The following NXPH1 variants were observed in gnomAD, a reference collection of about 807,000 sequenced individuals.
The protein encoded by NXPH1 is neurexophilin 1, also known as neurexophilin-1.
In NXPH1, 5 loss-of-function variants were observed where a neutral mutation model predicts 23.7. The observed-to-expected ratio is 0.21, with a 90% CI of 0.11 to 0.44. The LOEUF is 0.44. Ranked by LOEUF, NXPH1 falls within the 20% of genes least tolerant of loss-of-function variation. The pLI is 0.99. For synonymous variants in NXPH1, 144 were observed against 122.2 expected, an observed-to-expected ratio of 1.18 and a Z score of -1.18; for missense variants, 324 against 321.6, an observed-to-expected ratio of 1.01 and a Z score of -0.06.
intron 2 of NXPH1, among the ~76,000 whole-genome samples, chr7:8,729,801 A>G (rs1185518495): frequency 6.6e-6 from 1 of 152,150 alleles, no homozygotes; most frequent in African/African-American, 2.4e-5. Flanking sequence ...TGGTGCTGAA[A>G]TAAATGTATA....
At chr7:8,583,013 G>C (rs982538340) in intron 2 of NXPH1, among the ~76,000 whole-genome samples, 4 of 152,140 alleles carry the variant, frequency 2.6e-5, no homozygotes, top group African/African-American at 7.2e-5. Context: ...AGGGGGCCAA[G>C]GGGGCAGGTG....
chr7:8,731,867 A>T (rs1583251125), intron 2 of NXPH1, among the ~76,000 whole-genome samples: 1 of 152,196 alleles, frequency 6.6e-6, no homozygotes, highest in Non-Finnish European at 1.5e-5. Flanking sequence ...GGTGGGCTCC[A>T]CCCAGTTCGA....
intron 2 of NXPH1, among the ~76,000 whole-genome samples, chr7:8,621,352 CA>C (rs1218959987): frequency 2.6e-5 from 4 of 152,138 alleles, no homozygotes; most frequent in Non-Finnish European, 5.9e-5. Flanking sequence ...AGTGACTCAA[CA>C]AGATGGGTTG....
At chr7:8,475,050 G>T (rs1816945806) in intron 2 of NXPH1, among the ~76,000 whole-genome samples, 1 of 152,112 alleles carries the variant, frequency 6.6e-6, no homozygotes, top group South Asian at 2.1e-4. Context: ...CCTGGTTTAT[G>T]GAGAGGCACT....
At chr7:8,645,174 G>T (rs1820377225) in intron 2 of NXPH1, among the ~76,000 whole-genome samples, 1 of 152,060 alleles carries the variant, frequency 6.6e-6, no homozygotes, top group South Asian at 2.1e-4. Context: ...AATTCTTACG[G>T]TTTATACAAA....
At chr7:8,688,100 C>T (rs910084462) in intron 2 of NXPH1, among the ~76,000 whole-genome samples, 1 of 152,040 alleles carries the variant, frequency 6.6e-6, no homozygotes, top group African/African-American at 2.4e-5. Flanking sequence ...TGACTTGCTT[C>T]TCCATGGCAT....
rs533543008 is a variant in NXPH1 at position 8,483,338 on chromosome 7, C to A, written c.54+47571C>A. Among the ~76,000 whole-genome samples the A allele has an allele frequency of 7.3e-5, 11 of 151,702 alleles. No homozygotes were observed. In the East Asian group the frequency reaches 7.8e-4, roughly 11 times the overall value. Reference sequence around the variant, plus strand: ...CAAAACTAAAATTTTATTTTATTTTCTTTTTTTTAAAAGACAGGGTATTGT... The same window carrying A: ...CAAAACTAAAATTTTATTTTATTTTATTTTTTTTAAAAGACAGGGTATTGT... On this transcript the variant is annotated intron_variant, in intron 2 of 2. Coordinates refer to ENST00000405863, the MANE Select transcript of NXPH1 (RefSeq NM_152745.3).
chr7:8,493,487 A>G (rs142154012), intron 2 of NXPH1, among the ~76,000 whole-genome samples: 30 of 152,182 alleles, frequency 2.0e-4, no homozygotes, highest in African/African-American at 7.2e-4. Flanking sequence ...TATGTGAAGA[A>G]AGAACATTTT....
At position 8,626,287 on chromosome 7, in the gene NXPH1, C is replaced by T. The variant is rs551305049; in HGVS notation, c.55-124721C>T. Reference sequence around the variant, plus strand: ...TGGATATACATCATAAATTATGCATCTTTGGGCCTTAGTCTATTCCAAACT... The same window carrying T: ...TGGATATACATCATAAATTATGCATTTTTGGGCCTTAGTCTATTCCAAACT... On this transcript the variant is annotated intron_variant, in intron 2 of 2. Transcript: ENST00000405863. 2.7e-3 allele frequency among the ~76,000 whole-genome samples: 406 copies of T among 151,832 alleles called. 1 individual carries two copies. The highest frequency in any genetic ancestry group is 9.4e-3 in the African/African-American group (390 of 41,426).
chr7:8,674,194 CACACACACA>C (rs1820914249), intron 2 of NXPH1, among the ~76,000 whole-genome samples: 13 of 147,112 alleles, frequency 8.8e-5, no homozygotes, highest in East Asian at 6.2e-4. Flanking sequence ...CACACACACA[CACACACACA>C]CCTATGCAAT....
At chr7:8,606,755 C>T (rs1213862534) in intron 2 of NXPH1, among the ~76,000 whole-genome samples, 1 of 152,044 alleles carries the variant, frequency 6.6e-6, no homozygotes, top group Admixed American at 6.6e-5. Context: ...GTATATCCTC[C>T]TAGTCCAGTG....
At chr7:8,684,275 T>G (rs963065032) in intron 2 of NXPH1, among the ~76,000 whole-genome samples, 2 of 152,162 alleles carry the variant, frequency 1.3e-5, no homozygotes, top group African/African-American at 4.8e-5. Flanking sequence ...GATCACCACA[T>G]AGTATGTGTG....
chr7:8,719,459 G>A (rs527973475), intron 2 of NXPH1, among the ~76,000 whole-genome samples: 1 of 146,650 alleles, frequency 6.8e-6, no homozygotes, highest in Non-Finnish European at 1.5e-5. Flanking sequence ...GGGACATTGG[G>A]TGGTATTTTT....
At chr7:8,443,040 C>T (rs1283387773) in intron 2 of NXPH1, among the ~76,000 whole-genome samples, 1 of 152,238 alleles carries the variant, frequency 6.6e-6, no homozygotes, top group Admixed American at 6.5e-5. Context: ...CTGCCTCCCC[C>T]GCTGCCGCTC....
chr7:8,573,441 A>T (rs1818690298), intron 2 of NXPH1, among the ~76,000 whole-genome samples: 1 of 152,116 alleles, frequency 6.6e-6, no homozygotes, highest in Non-Finnish European at 1.5e-5. Context: ...CCCAATTTAG[A>T]CTTGAAGAGT....
At chr7:8,467,759 C>T (rs745633186) in intron 2 of NXPH1, among the ~76,000 whole-genome samples, 1 of 152,098 alleles carries the variant, frequency 6.6e-6, no homozygotes, top group African/African-American at 2.4e-5. Flanking sequence ...AGATAGCAAC[C>T]TCTTTCAATT....
chr7:8,568,639 A>T (rs540969625), intron 2 of NXPH1, among the ~76,000 whole-genome samples: 48 of 119,822 alleles, frequency 4.0e-4, no homozygotes, highest in Non-Finnish European at 7.4e-4. Context: ...GAAAGTTTTC[A>T]TTCTTAGCAA....
At chr7:8,641,672 G>A (rs1820315434) in intron 2 of NXPH1, among the ~76,000 whole-genome samples, 1 of 151,988 alleles carries the variant, frequency 6.6e-6, no homozygotes. Context: ...CACCTTGAGG[G>A]ATGAGAATTT....
chr7:8,495,223 C>T (rs1274000321), intron 2 of NXPH1, among the ~76,000 whole-genome samples: 1 of 151,840 alleles, frequency 6.6e-6, no homozygotes, highest in Non-Finnish European at 1.5e-5. Flanking sequence ...AGTCTTGAAT[C>T]TCAAGGTAGT....
Sources: gnomAD v4.1 joint callset for allele counts (sites outside exome capture counted in the v4.1 genomes callset) on GRCh38, gnomAD v4.1.1 for gene constraint, MANE v1.5 for transcripts, NCBI Gene and HGNC (gene_info 2026-07-23, HGNC 2026-07-21) for gene names.